Variants in FMNL2 observed in about 807,000 individuals in gnomAD.
FMNL2 encodes the protein formin like 2.
Under a neutral mutation model 130.2 loss-of-function variants are expected in FMNL2, and 51 were observed. The ratio of observed to expected loss-of-function variants is 0.39; its 90% CI spans 0.31 to 0.49. FMNL2 has a LOEUF of 0.49. Ranked by LOEUF, FMNL2 falls within the 20% of genes least tolerant of loss-of-function variation. The probability of loss-of-function intolerance (pLI) is 0.85; values close to 1 mark genes in which losing one functional copy is unlikely to be tolerated. For synonymous variants in FMNL2, 465 were observed against 467.1 expected (o/e 1.00, Z 0.06); for missense variants, 977 against 1,316.2 (o/e 0.74, Z 3.99).
At position 152,336,548 on chromosome 2, in the gene FMNL2, G is replaced by A. The variant is rs191057754; in HGVS notation, c.117+828G>A. Among the ~76,000 whole-genome samples the A allele has an allele frequency of 2.5e-3, 387 of 152,208 alleles. 1 individual carries two copies. The highest frequency in any genetic ancestry group is 8.4e-3 in the African/African-American group (348 of 41,532). ...CCAGCTTTCCAGCTCCTCAAATCCA[G>A]GACTCTGAAAACTCCCCTCTTTCTC... On this transcript the variant is annotated intron_variant, in intron 1 of 25. Transcript: ENST00000288670.
At chr2:152,420,190 A>G (rs1398728532) in intron 1 of FMNL2, among the ~76,000 whole-genome samples, 7 of 152,206 alleles carry the variant, frequency 4.6e-5, no homozygotes, top group Admixed American at 4.6e-4. Context: ...CAGAGTATTT[A>G]AAAGAGAGTA....
chr2:152,364,952 A>C (rs1291276839), intron 1 of FMNL2, among the ~76,000 whole-genome samples: 1 of 152,188 alleles, frequency 6.6e-6, no homozygotes, highest in Non-Finnish European at 1.5e-5. Flanking sequence ...CATGAAGTAA[A>C]AGTATTTTTG....
chr2:152,642,529 C>T (rs1683186956), intron 25 of FMNL2, among the ~76,000 whole-genome samples: 1 of 152,218 alleles, frequency 6.6e-6, no homozygotes, highest in African/African-American at 2.4e-5. Flanking sequence ...AGTGCAGTGG[C>T]TTATAGATGC....
chr2:152,416,862 A>C (rs60433007), intron 1 of FMNL2, among the ~76,000 whole-genome samples: 5,774 of 152,296 alleles, frequency 0.038, 183 homozygotes, highest in African/African-American at 0.087. Flanking sequence ...AACATCCACC[A>C]ATTGTGTCTC....
At chr2:152,601,303 C>CTTTTTTT (rs10567754) in intron 9 of FMNL2, among the ~76,000 whole-genome samples, 1 of 134,738 alleles carries the variant, frequency 7.4e-6, no homozygotes, top group African/African-American at 2.7e-5. Flanking sequence ...TTTCTTTTTT[C>CTTTTTTT]TTTTTTTTTT....
rs772893968 is a variant in FMNL2 at position 152,637,671 on chromosome 2, T to C, written c.2943T>C (p.Tyr981=). ...FPVFVRFVKA[Y]KQAEEENELR... ...TCTTTGTCCGGTTTGTGAAAGCATA[T>C]AAGGTATATGTTAAGGCCCTCCTTG... The change falls in exon 23 of 26, where the codon TAT becomes TAC. Residue 981 remains tyrosine, a synonymous_variant. Transcript: ENST00000288670. 18 of 1,613,682 alleles carry C rather than the reference T, an allele frequency of 1.1e-5. No homozygotes were observed. Among genetic ancestry groups the C allele is most frequent in the Admixed American group, 3.3e-5 (2 of 60,000 alleles).
chr2:152,387,090 C>T (rs1411410596), intron 1 of FMNL2, among the ~76,000 whole-genome samples: 1 of 152,136 alleles, frequency 6.6e-6, no homozygotes, highest in Non-Finnish European at 1.5e-5. Flanking sequence ...TTAAACCATT[C>T]CTGGGAAGTA....
chr2:152,404,498 A>G (rs980658216), intron 1 of FMNL2, among the ~76,000 whole-genome samples: 2 of 152,144 alleles, frequency 1.3e-5, no homozygotes, highest in African/African-American at 4.8e-5. Flanking sequence ...ATTACTCGTA[A>G]TGGGGTGTTT....
chr2:152,376,832 T>C (rs1405617231), intron 1 of FMNL2, among the ~76,000 whole-genome samples: 5 of 152,202 alleles, frequency 3.3e-5, no homozygotes, highest in African/African-American at 1.2e-4. Flanking sequence ...GGTTATCTTG[T>C]GTTTGGTTAG....
At chr2:152,343,459 C>A (rs1681930678) in intron 1 of FMNL2, among the ~76,000 whole-genome samples, 1 of 152,178 alleles carries the variant, frequency 6.6e-6, no homozygotes, top group Non-Finnish European at 1.5e-5. Context: ...CCACACCCAG[C>A]TAGTTTTTGT....
rs780719701 is a variant in FMNL2 at position 152,631,990 on chromosome 2, G to A, written c.2551-18G>A. The A allele has an allele frequency of 2.2e-5, 36 of 1,606,402 alleles. No homozygotes were observed. Among genetic ancestry groups the A allele is most frequent in the South Asian group, 1.7e-4 (15 of 89,406 alleles). ...CCCTTTACTCTTGTACCTAACCCAC[G>A]TTCCCTTTTGTTTTCAGCTCTTAGA... On this transcript the variant is annotated intron_variant, in intron 20 of 25. Coordinates refer to ENST00000288670, the MANE Select transcript of FMNL2 (RefSeq NM_052905.4).
At chr2:152,470,568 C>T (rs1282626175) in intron 1 of FMNL2, among the ~76,000 whole-genome samples, 1 of 152,146 alleles carries the variant, frequency 6.6e-6, no homozygotes. Context: ...ATATTATACC[C>T]TATGAGAAAA....
At position 152,581,187 on chromosome 2, in the gene FMNL2, A is replaced by G. The variant is rs375748840; in HGVS notation, c.876+138A>G. ...AATTTCTAAGATCTCACTGAGAGGA[A>G]TGTAATGAACTTAGTCTAAATTTGG... is the stretch of plus-strand genomic sequence containing the variant. On this transcript the variant is annotated intron_variant, in intron 9 of 25. Transcript: ENST00000288670. 1.9e-3 allele frequency: 1,271 copies of G among 657,578 alleles called. 16 individuals carry two copies. In the African/African-American group the frequency reaches 0.021, roughly 11 times the overall value. The allele number at this position is 657,578 out of a possible 1,614,324, so 40.7% of individuals were successfully genotyped here.
At position 152,644,129 on chromosome 2, in the gene FMNL2, G is replaced by A. The variant is rs563271845; in HGVS notation, c.3169+3215G>A. Reference sequence around the variant, plus strand: ...CCAGCTACCCGGGAGGCTGAGGTGGGAGCATTGCTTGAGCCCAGGAGGTGG... The same window carrying A: ...CCAGCTACCCGGGAGGCTGAGGTGGAAGCATTGCTTGAGCCCAGGAGGTGG... On this transcript the variant is annotated intron_variant, in intron 25 of 25. Transcript: ENST00000288670. Among the ~76,000 whole-genome samples, 359 of 152,182 alleles carry A rather than the reference G, an allele frequency of 2.4e-3. 4 individuals carry two copies. The South Asian group carries it at 0.029, about 12-fold the overall frequency.
chr2:152,433,492 C>G (rs1010364192), intron 1 of FMNL2, among the ~76,000 whole-genome samples: 9 of 152,178 alleles, frequency 5.9e-5, no homozygotes, highest in African/African-American at 1.9e-4. Context: ...CCACTGGACT[C>G]TGGGTGAGCT....
chr2:152,589,940 C>CATATATATATATAT (rs771625998), intron 9 of FMNL2, among the ~76,000 whole-genome samples: 7 of 67,024 alleles, frequency 1.0e-4, no homozygotes, highest in Non-Finnish European at 1.4e-4. Context: ...TGGCTTTATA[C>CATATATATATATAT]ATATATATAT....
At chr2:152,354,243 C>T (rs568944798) in intron 1 of FMNL2, among the ~76,000 whole-genome samples, 52 of 152,134 alleles carry the variant, frequency 3.4e-4, no homozygotes, top group African/African-American at 1.2e-3. Context: ...CCATTTGAGC[C>T]TTGAAGAAAC....
At chr2:152,449,864 T>C (rs1000722419) in intron 1 of FMNL2, among the ~76,000 whole-genome samples, 4 of 152,222 alleles carry the variant, frequency 2.6e-5, no homozygotes, top group African/African-American at 9.7e-5. Flanking sequence ...CCTTCCTACA[T>C]TTTCCCAGAG....
intron 2 of FMNL2, among the ~76,000 whole-genome samples, chr2:152,537,461 T>C (rs1694055119): frequency 6.6e-6 from 1 of 152,182 alleles, no homozygotes; most frequent in African/African-American, 2.4e-5. Context: ...ATTAGACGGC[T>C]TTAGATCTAC....
Sources: gnomAD v4.1 joint callset for allele counts (sites outside exome capture counted in the v4.1 genomes callset) on GRCh38, gnomAD v4.1.1 for gene constraint, MANE v1.5 for transcripts, NCBI Gene and HGNC (gene_info 2026-07-23, HGNC 2026-07-21) for gene names.